Variants in ADAMTS18 observed in about 807,000 individuals in gnomAD.
The protein encoded by ADAMTS18 is ADAM metallopeptidase with thrombospondin type 1 motif 18, also known as A disintegrin and metalloproteinase with thrombospondin motifs 18.
ADAMTS18 carries 157 observed loss-of-function variants against 165.9 expected under a neutral mutation model. The observed-to-expected ratio is 0.95, with a 90% CI of 0.83 to 1.08. The LOEUF is 1.08. ADAMTS18 is among the 50% of genes least tolerant of loss of function. ADAMTS18 has a pLI of 0.00. For synonymous variants in ADAMTS18, 782 were observed against 578.2 expected (o/e 1.35, Z -5.06); for missense variants, 2,040 against 1,534.0 (o/e 1.33, Z -5.51).
chr16:77,322,502 G>A (rs1021526712), intron 13 of ADAMTS18, 36 bp from the exon 14 acceptor site: 4 of 1,611,402 alleles, frequency 2.5e-6, no homozygotes, highest in African/African-American at 1.3e-5. Flanking sequence ...AAATGGTCAA[G>A]AGGAAACTAA....
intron 3 of ADAMTS18, among the ~76,000 whole-genome samples, chr16:77,427,456 C>T (rs1395262950): frequency 6.6e-6 from 1 of 152,194 alleles, no homozygotes; most frequent in African/African-American, 2.4e-5. Flanking sequence ...TTTCTCATCA[C>T]TGTGCTAGTC....
chr16:77,291,750 C>A (rs1053172864), intron 20 of ADAMTS18, among the ~76,000 whole-genome samples: 14 of 152,124 alleles, frequency 9.2e-5, no homozygotes, highest in Non-Finnish European at 8.8e-5. Context: ...CTTGGGATGC[C>A]ACATGGGTGT....
At chr16:77,327,306 T>C (rs932506304) in intron 12 of ADAMTS18, among the ~76,000 whole-genome samples, 2 of 152,162 alleles carry the variant, frequency 1.3e-5, no homozygotes, top group South Asian at 2.1e-4. Context: ...CCTGGACCCA[T>C]TGTGTAGTCT....
At chr16:77,386,887 T>A (rs1371897874) in intron 3 of ADAMTS18, among the ~76,000 whole-genome samples, 6 of 152,158 alleles carry the variant, frequency 3.9e-5, no homozygotes, top group Admixed American at 6.5e-5. Flanking sequence ...CTTTGTGAAA[T>A]CTGTGAGTCT....
rs1278301870 is a variant in ADAMTS18 at position 77,282,983 on chromosome 16, C to CAAGT, written c.*969_*972dup. 7.0e-6 allele frequency: 1 copy of CAAGT among 142,986 alleles called. No homozygotes were observed. The highest frequency in any genetic ancestry group is 2.1e-4 in the East Asian group (1 of 4,700). 8.9% of individuals were successfully genotyped at this position (142,986 alleles called of 1,614,324 possible). ...CGTATCAGTTGGTAGGAAAAAGCCA[C>CAAGT]AAGTGGCCTTTAATTTTCCAAGCAG... is the stretch of plus-strand genomic sequence containing the variant. On this transcript the variant is annotated 3_prime_UTR_variant, in exon 23 of 23. Coordinates refer to ENST00000282849, the MANE Select transcript of ADAMTS18 (RefSeq NM_199355.4).
intron 16 of ADAMTS18, among the ~76,000 whole-genome samples, chr16:77,315,015 T>C (rs1322550637): frequency 6.6e-6 from 1 of 151,534 alleles, no homozygotes; most frequent in African/African-American, 2.4e-5. Flanking sequence ...AGCCATTCTG[T>C]GTGTAGAACA....
chr16:77,417,005 G>T (rs767114307), intron 3 of ADAMTS18, among the ~76,000 whole-genome samples: 1 of 152,156 alleles, frequency 6.6e-6, no homozygotes, highest in Non-Finnish European at 1.5e-5. Flanking sequence ...GGGCACAGAG[G>T]CAGTTGCTTA....
At chr16:77,306,040 A>G (rs1330985666) in intron 16 of ADAMTS18, among the ~76,000 whole-genome samples, 1 of 152,134 alleles carries the variant, frequency 6.6e-6, no homozygotes, top group Non-Finnish European at 1.5e-5. Context: ...CATCACAATA[A>G]TGCCATTGCT....
At chr16:77,346,498 G>A (rs548200523) in intron 10 of ADAMTS18, among the ~76,000 whole-genome samples, 29 of 152,008 alleles carry the variant, frequency 1.9e-4, no homozygotes, top group African/African-American at 7.0e-4. Flanking sequence ...AAAGAACCTG[G>A]CAAACAGTAT....
chr16:77,286,131 T>C lies in ADAMTS18; in HGVS notation c.3551-2060A>G, dbSNP rs571472020. Reference sequence around the variant, plus strand: ...TCTTGTACTCCAAGCATCGTGCCATTCCTCAATTAGATTAGTATATTCCTG... The same window carrying C: ...TCTTGTACTCCAAGCATCGTGCCATCCCTCAATTAGATTAGTATATTCCTG... On this transcript the variant is annotated intron_variant, in intron 22 of 22. Coordinates refer to ENST00000282849, the MANE Select transcript of ADAMTS18 (RefSeq NM_199355.4). Among the ~76,000 whole-genome samples, 8 of 152,180 alleles carry C rather than the reference T, an allele frequency of 5.3e-5. No homozygotes were observed. In the South Asian group the frequency reaches 1.7e-3, roughly 32 times the overall value.
intron 19 of ADAMTS18, 67 bp from the exon 20 acceptor site, chr16:77,293,325 AC>A (rs1185010494): frequency 1.5e-5 from 20 of 1,303,236 alleles, no homozygotes; most frequent in Non-Finnish European, 1.5e-5. Context: ...AAAAAAAAAA[AC>A]AACACACTAA....
chr16:77,433,943 G>C (rs1421503151), intron 2 of ADAMTS18, among the ~76,000 whole-genome samples: 1 of 151,746 alleles, frequency 6.6e-6, no homozygotes, highest in African/African-American at 2.4e-5. Context: ...CGTAAAACAA[G>C]GGAAGCAGAA....
intron 3 of ADAMTS18, among the ~76,000 whole-genome samples, chr16:77,421,526 C>T (rs552348635): frequency 3.9e-5 from 6 of 152,336 alleles, no homozygotes; most frequent in South Asian, 2.1e-4. Context: ...TGGGAAACCA[C>T]GCAATTTCAC....
At chr16:77,311,982 C>A (rs937807960) in intron 16 of ADAMTS18, among the ~76,000 whole-genome samples, 1 of 152,076 alleles carries the variant, frequency 6.6e-6, no homozygotes, top group Non-Finnish European at 1.5e-5. Context: ...AGTTCTTATT[C>A]TTTTATGTAG....
At position 77,431,511 on chromosome 16, in the gene ADAMTS18, G is replaced by C; in HGVS notation, c.279C>G (p.Ala93=). ...NGRKKRSAQN[A]RSSLHYRFSA... ...AAAATCGGTAGTGCAGGGAGCTTCT[G>C]GCATTCTGCGCCGATCGCTTTTTCC... The change falls in exon 3 of 23, where the codon GCC becomes GCG. Residue 93 remains alanine, a synonymous_variant. Transcript: ENST00000282849. The C allele has an allele frequency of 6.2e-7, 1 of 1,614,190 alleles. No individual in the cohort carries two copies. The highest frequency in any genetic ancestry group is 1.1e-5 in the South Asian group (1 of 91,088).
At chr16:77,382,284 C>T (rs1231581970) in intron 3 of ADAMTS18, among the ~76,000 whole-genome samples, 2 of 152,180 alleles carry the variant, frequency 1.3e-5, no homozygotes, top group East Asian at 3.9e-4. Flanking sequence ...GATCTCGGCT[C>T]ACTGCAAGCT....
chr16:77,351,310 AT>A (rs1167664388), intron 10 of ADAMTS18, among the ~76,000 whole-genome samples: 2 of 152,098 alleles, frequency 1.3e-5, no homozygotes, highest in Non-Finnish European at 2.9e-5. Context: ...GTTTGACTCA[AT>A]CTTTTATTTT....
At chr16:77,346,702 C>T (rs1292569407) in intron 10 of ADAMTS18, among the ~76,000 whole-genome samples, 2 of 152,116 alleles carry the variant, frequency 1.3e-5, no homozygotes, top group Non-Finnish European at 1.5e-5. Context: ...CCCATGTATG[C>T]CTGAGTTTAT....
chr16:77,294,897 G>A (rs745773712), intron 19 of ADAMTS18, 26 bp downstream of exon 19: 7 of 1,611,724 alleles, frequency 4.3e-6, no homozygotes. Flanking sequence ...ACCGAGAATA[G>A]TAACTCCCAA....
Sources: gnomAD v4.1 joint callset for allele counts (sites outside exome capture counted in the v4.1 genomes callset) on GRCh38, gnomAD v4.1.1 for gene constraint, MANE v1.5 for transcripts, NCBI Gene and HGNC (gene_info 2026-07-23, HGNC 2026-07-21) for gene names.